PARD3B: variants seen among roughly 807,000 people sequenced by gnomAD.
PARD3B encodes partitioning defective 3 homolog B.
In PARD3B, 103 loss-of-function variants were observed where a neutral mutation model predicts 130.2. That is an observed-to-expected ratio of 0.79 (90% CI 0.67 to 0.93). The LOEUF (loss-of-function observed/expected upper bound fraction) is 0.93. PARD3B is among the 40% of genes least tolerant of loss of function. The pLI is 0.00. For missense variants in PARD3B, 1,609 were observed against 1,499.2 expected (o/e 1.07, Z -1.21); for synonymous variants, 583 against 553.2 (o/e 1.05, Z -0.76).
chr2:204,837,240 TAGAC>T (rs1326222518), intron 2 of PARD3B, among the ~76,000 whole-genome samples: 5 of 152,144 alleles, frequency 3.3e-5, no homozygotes, highest in Admixed American at 2.0e-4. Flanking sequence ...CTTTATCTCT[TAGAC>T]AGTACGTAGT....
rs1047236290 is a variant in PARD3B, at chr2:205,618,224, A to G, written c.*2411A>G. The stretch of plus-strand genomic sequence containing the variant: ...ACAGTTTTCTTTCCTTGCTTGAAGT[A>G]TAACACACGCTCCATTTGATCCTGC... On this transcript the variant is annotated 3_prime_UTR_variant, in exon 23 of 23. Coordinates refer to ENST00000406610, the MANE Select transcript of PARD3B (RefSeq NM_001302769.2). The G allele has an allele frequency of 6.6e-6, 1 of 152,250 alleles. No homozygotes were observed. Among genetic ancestry groups the G allele is most frequent in the African/African-American group, 2.4e-5 (1 of 41,446 alleles). 9.4% of individuals were successfully genotyped at this position (152,250 alleles called of 1,614,324 possible). A position where few individuals can be genotyped will look rare whatever the true frequency, so the allele number is the denominator to read the frequency against.
rs1288892444 is a variant in PARD3B at position 204,943,087 on chromosome 2, T to C, written c.223-22065T>C. Among the ~76,000 whole-genome samples the C allele has an allele frequency of 6.6e-6, 1 of 151,996 alleles. No homozygotes were observed. Among genetic ancestry groups the C allele is most frequent in the African/African-American group, 2.4e-5 (1 of 41,278 alleles). The stretch of plus-strand genomic sequence containing the variant: ...GTAAAAAGACAAGAAAGACTTTGTG[T>C]AAATACACCTCTTTTTAAAATTACC... On this transcript the variant is annotated intron_variant, in intron 2 of 22. Transcript: ENST00000406610. This position sits in a 1 kb window ranked among gnomAD's most constrained non-coding sequence, Gnocchi z 4.2.
intron 22 of PARD3B, among the ~76,000 whole-genome samples, chr2:205,581,097 G>T (rs906468489): frequency 4.6e-5 from 7 of 151,904 alleles, no homozygotes; most frequent in African/African-American, 1.2e-4. Context: ...ATACCCAAAA[G>T]AAAGGGAATT....
intron 1 of PARD3B, among the ~76,000 whole-genome samples, chr2:204,607,883 G>A (rs76420578): frequency 0.021 from 3,243 of 152,274 alleles, 105 homozygotes; most frequent in African/African-American, 0.075. Flanking sequence ...ACCTGTTCAT[G>A]TAAATTGTAA....
intron 1 of PARD3B, among the ~76,000 whole-genome samples, chr2:204,560,843 C>T (rs2031262488): frequency 6.6e-6 from 1 of 151,952 alleles, no homozygotes; most frequent in Non-Finnish European, 1.5e-5. Context: ...GGAACTGGCT[C>T]AGGTCCTGCT....
intron 11 of PARD3B, among the ~76,000 whole-genome samples, chr2:205,162,811 T>C (rs947012430): frequency 6.6e-6 from 1 of 152,196 alleles, no homozygotes; most frequent in African/African-American, 2.4e-5. Context: ...TTTTATTTTG[T>C]CCAGGAAAGC....
At chr2:204,973,574 A>C (rs1387083181) in intron 3 of PARD3B, among the ~76,000 whole-genome samples, 2 of 47,372 alleles carry the variant, frequency 4.2e-5, no homozygotes, top group South Asian at 5.8e-4. Context: ...ATGGGCAGGC[A>C]AAAAAAAAAA....
intron 19 of PARD3B, among the ~76,000 whole-genome samples, chr2:205,436,072 G>T (rs2047503961): frequency 6.6e-6 from 1 of 152,174 alleles, no homozygotes; most frequent in Non-Finnish European, 1.5e-5. Flanking sequence ...GTGCTGCCTA[G>T]GTTTCCTCAT....
At chr2:204,937,900 C>T (rs749980740) in intron 2 of PARD3B, among the ~76,000 whole-genome samples, 23 of 152,230 alleles carry the variant, frequency 1.5e-4, no homozygotes, top group Non-Finnish European at 2.2e-4. Flanking sequence ...GGATTGTCTT[C>T]GGGGAAATCT....
Position 205,431,761 on chromosome 2 carries a change from G to A in PARD3B, c.2742-8609G>A, listed in dbSNP as rs550615651. On this transcript the variant is annotated intron_variant, in intron 19 of 22. Coordinates refer to ENST00000406610, the MANE Select transcript of PARD3B (RefSeq NM_001302769.2). The stretch of plus-strand genomic sequence containing the variant: ...TGGGATTACAGACGTGAGCCACCGC[G>A]ACTGGCCACATCAATTTTTAAAATG... Among the ~76,000 whole-genome samples the A allele has an allele frequency of 7.9e-5, 12 of 152,194 alleles. No homozygotes were observed. The South Asian group carries it at 8.3e-4, about 11-fold the overall frequency.
At chr2:205,507,027 C>T (rs2050392720) in intron 21 of PARD3B, among the ~76,000 whole-genome samples, 1 of 151,940 alleles carries the variant, frequency 6.6e-6, no homozygotes, top group African/African-American at 2.4e-5. Context: ...GGTAGAAAGA[C>T]AGCCATCTGC....
intron 19 of PARD3B, among the ~76,000 whole-genome samples, chr2:205,432,279 A>G (rs913056906): frequency 1.3e-5 from 2 of 152,150 alleles, no homozygotes; most frequent in African/African-American, 4.8e-5. Context: ...TCTCTCACCC[A>G]GAAATGCCCA....
chr2:205,355,489 G>C (rs1405683669), intron 18 of PARD3B, among the ~76,000 whole-genome samples: 1 of 151,890 alleles, frequency 6.6e-6, no homozygotes, highest in African/African-American at 2.4e-5. Context: ...AAATAATCAT[G>C]TTTTGAGAAT....
chr2:205,206,876 A>T (rs1352359537), intron 15 of PARD3B, among the ~76,000 whole-genome samples: 1 of 150,392 alleles, frequency 6.6e-6, no homozygotes, highest in East Asian at 2.0e-4. Context: ...CCTAATAGAC[A>T]TCTACAGAAC....
At chr2:205,043,668 C>G (rs1319143299) in intron 3 of PARD3B, among the ~76,000 whole-genome samples, 2 of 152,112 alleles carry the variant, frequency 1.3e-5, no homozygotes, top group Non-Finnish European at 2.9e-5. Context: ...CCTCTCATTT[C>G]AGTTAGCTTT....
At position 205,400,947 on chromosome 2, in the gene PARD3B, T is replaced by C; in HGVS notation, c.2631-66T>C. ...TGACTTAATGAGCTCATCCCATAAA[T>C]ATCTTAGCTCTACCGCAAAAACAAT... On this transcript the variant is annotated intron_variant, in intron 18 of 22. Transcript: ENST00000406610. 5 of 1,167,714 alleles carry C rather than the reference T, an allele frequency of 4.3e-6. No individual in the cohort carries two copies. In the South Asian group the frequency reaches 6.7e-5, roughly 16 times the overall value. 72.3% of individuals were successfully genotyped at this position (1,167,714 alleles called of 1,614,324 possible).
intron 19 of PARD3B, among the ~76,000 whole-genome samples, chr2:205,409,045 C>A (rs2046507546): frequency 6.6e-6 from 1 of 152,056 alleles, no homozygotes; most frequent in Non-Finnish European, 1.5e-5. Flanking sequence ...ACTTTTAGAT[C>A]CTTATTAGAT....
At chr2:205,477,058 A>C (rs2049047386) in intron 20 of PARD3B, among the ~76,000 whole-genome samples, 1 of 152,200 alleles carries the variant, frequency 6.6e-6, no homozygotes, top group East Asian at 1.9e-4. Flanking sequence ...CAGTAACTAC[A>C]TGTCTGGCTT....
Position 205,047,641 on chromosome 2 carries a change from A to C in PARD3B, c.455A>C (p.Gln152Pro), listed in dbSNP as rs762379722. The stretch of plus-strand genomic sequence containing the variant: ...GTGCCAGGCCCACCTGCTGATACCC[A>C]GCCAAGCGCTTCACACCCTGGTGGC... ...DPVPGPPADT[Q>P]PSASHPGGQS... Residue 152 changes from glutamine (Q) to proline (P), a missense_variant, in exon 4 of 23, where the codon CAG (glutamine) becomes CCG (proline). Coordinates refer to ENST00000406610, the MANE Select transcript of PARD3B (RefSeq NM_001302769.2). 13 of 1,550,938 alleles carry C rather than the reference A, an allele frequency of 8.4e-6. No homozygotes were observed. Among genetic ancestry groups the C allele is most frequent in the African/African-American group, 1.4e-5 (1 of 73,040 alleles).
Sources: allele counts gnomAD v4.1 joint callset (sites outside exome capture counted in the v4.1 genomes callset), GRCh38; gene constraint gnomAD v4.1.1; non-coding constraint Gnocchi (gnomAD v3.1); transcripts MANE v1.5; gene names NCBI Gene and HGNC (gene_info 2026-07-23, HGNC 2026-07-21).